SFMBT1: variants seen among roughly 807,000 people sequenced by gnomAD.
SFMBT1 encodes the protein Scm like with four mbt domains 1, also known as scm-like with four MBT domains protein 1.
A neutral mutation model predicts 108.7 loss-of-function variants in SFMBT1; 32 were observed. The ratio of observed to expected loss-of-function variants is 0.29; its 90% CI spans 0.22 to 0.40. The LOEUF is 0.40. Ranked by LOEUF, SFMBT1 falls within the 10% of genes least tolerant of loss-of-function variation. SFMBT1 has a pLI of 1.00. For synonymous variants in SFMBT1, 348 were observed against 369.5 expected (o/e 0.94, Z 0.67); for missense variants, 816 against 1,059.6 (o/e 0.77, Z 3.19).
chr3:53,022,343 G>A (rs568808621), intron 1 of SFMBT1, among the ~76,000 whole-genome samples: 56 of 151,610 alleles, frequency 3.7e-4, no homozygotes, highest in African/African-American at 1.3e-3. Flanking sequence ...CCAGCTACTC[G>A]GGAGGCTGAG....
Position 52,913,528 on chromosome 3 carries a change from C to T in SFMBT1, c.1570G>A (p.Glu524Lys). ...GPYLNKGRIAELPQCVGPGNC... is the reference protein window; with the variant it reads ...GPYLNKGRIAKLPQCVGPGNC... ...CCAGGTCCTACACATTGAGGCAGCT[C>T]AGCAATTCTTCCTTTGTTAAGATAT... Residue 524 changes from glutamate (E) to lysine (K), a missense_variant, in exon 15 of 21, where the codon GAG (glutamate) becomes AAG (lysine). This residue lies in a region of SFMBT1 where 16 missense variants were observed against 57.5 expected (regional missense o/e 0.28). Transcript: ENST00000394752. 1 of 1,614,132 alleles carries T rather than the reference C, an allele frequency of 6.2e-7. No homozygotes were observed.
intron 1 of SFMBT1, among the ~76,000 whole-genome samples, chr3:53,025,489 C>T (rs549373417): frequency 4.0e-4 from 61 of 152,132 alleles, no homozygotes; most frequent in Admixed American, 3.7e-3. Context: ...TGGTGGCACA[C>T]GCTTATGGTC....
rs1171220515 is a variant in SFMBT1, at chr3:52,920,516, A to T, written c.1372+21T>A. ...AAGATTATTTAACAATCAATCCTCT[A>T]ACCCAGAAATAGACAGATACCTCGT... On this transcript the variant is annotated intron_variant, in intron 12 of 20. Coordinates refer to ENST00000394752, the MANE Select transcript of SFMBT1 (RefSeq NM_016329.4). The T allele has an allele frequency of 1.9e-6, 3 of 1,549,434 alleles. No individual in the cohort carries two copies. The African/African-American group carries it at 5.1e-5, about 26-fold the overall frequency.
intron 8 of SFMBT1, among the ~76,000 whole-genome samples, chr3:52,928,896 G>C (rs936008761): frequency 1.3e-5 from 2 of 150,796 alleles, no homozygotes; most frequent in Non-Finnish European, 3.0e-5. Flanking sequence ...GTAGAGACTC[G>C]GTCTCCATAT....
In SFMBT1 at chr3:52,904,914, T is replaced by C; in HGVS notation, c.*222A>G. ...CCTTTATTTTTTAAAAACTGCCATC[T>C]GCTGAACAAGAGATGTCCACATTTC... On this transcript the variant is annotated 3_prime_UTR_variant, in exon 21 of 21. Transcript: ENST00000394752. The C allele has an allele frequency of 2.2e-6, 1 of 463,550 alleles. No individual in the cohort carries two copies. Among genetic ancestry groups the C allele is most frequent in the South Asian group, 4.9e-5 (1 of 20,456 alleles). 28.7% of individuals were successfully genotyped at this position (463,550 alleles called of 1,614,324 possible).
chr3:53,030,835 T>C lies in SFMBT1; in HGVS notation c.-131+14981A>G, dbSNP rs541448810. On this transcript the variant is annotated intron_variant, in intron 1 of 20. Coordinates refer to ENST00000394752, the MANE Select transcript of SFMBT1 (RefSeq NM_016329.4). Reference sequence around the variant, plus strand: ...ATGCTAATATGAAATGCTAATCATATTTTTTATGAGTCAACAGTTTTACAT... The same window carrying C: ...ATGCTAATATGAAATGCTAATCATACTTTTTATGAGTCAACAGTTTTACAT... 2.6e-5 allele frequency among the ~76,000 whole-genome samples: 4 copies of C among 152,290 alleles called. No homozygotes were observed. In the East Asian group the frequency reaches 7.7e-4, roughly 29 times the overall value.
In SFMBT1 at chr3:53,000,334, A is replaced by G. The variant is rs777612687; in HGVS notation, c.-130-31076T>C. ...ACAGTATTTTGTTTATGTTTCAACA[A>G]CAACAAAGAGGACTTAATGTCTGGC... On this transcript the variant is annotated intron_variant, in intron 1 of 20. Coordinates refer to ENST00000394752, the MANE Select transcript of SFMBT1 (RefSeq NM_016329.4). Among the ~76,000 whole-genome samples, 31 of 149,428 alleles carry G rather than the reference A, an allele frequency of 2.1e-4. 3 individuals carry two copies. The highest frequency in any genetic ancestry group is 3.4e-4 in the Non-Finnish European group (23 of 66,806).
intron 1 of SFMBT1, among the ~76,000 whole-genome samples, chr3:52,996,061 A>G (rs1228494869): frequency 7.5e-6 from 1 of 133,176 alleles, no homozygotes. Flanking sequence ...ACAGGGTGAG[A>G]CTCCATCTCA....
chr3:53,038,099 T>C (rs1699922758), intron 1 of SFMBT1, among the ~76,000 whole-genome samples: 1 of 150,982 alleles, frequency 6.6e-6, no homozygotes, highest in African/African-American at 2.5e-5. Context: ...AGCAAAACTT[T>C]GTCTCAAAAA....
intron 1 of SFMBT1, among the ~76,000 whole-genome samples, chr3:52,979,896 G>A (rs1181815436): frequency 2.6e-5 from 4 of 151,456 alleles, no homozygotes; most frequent in African/African-American, 9.7e-5. Context: ...AAATACAACT[G>A]AGCCTTGAAC....
chr3:52,985,349 T>C (rs1310607529), intron 1 of SFMBT1, among the ~76,000 whole-genome samples: 2 of 152,228 alleles, frequency 1.3e-5, no homozygotes, highest in Non-Finnish European at 1.5e-5. Context: ...ACAGAACAAA[T>C]GCTTGTTAAC....
chr3:52,913,667 C>A, intron 14 of SFMBT1, 50 bp from the exon 15 acceptor site: 7 of 1,591,342 alleles, frequency 4.4e-6, no homozygotes, highest in Non-Finnish European at 6.0e-6. Context: ...CTCTACCCCA[C>A]GTTTCCAAAG....
intron 10 of SFMBT1, among the ~76,000 whole-genome samples, chr3:52,922,697 C>A (rs1426443133): frequency 6.6e-6 from 1 of 152,152 alleles, no homozygotes; most frequent in Admixed American, 6.5e-5. Context: ...TTAGGTTATG[C>A]CATTGGCTCC....
At chr3:52,927,162 A>G (rs1053771854) in intron 9 of SFMBT1, among the ~76,000 whole-genome samples, 1 of 152,136 alleles carries the variant, frequency 6.6e-6, no homozygotes, top group Non-Finnish European at 1.5e-5. Flanking sequence ...GCTGTTCTAC[A>G]CCACACCCTC....
chr3:52,988,681 G>A (rs1705014865), intron 1 of SFMBT1, among the ~76,000 whole-genome samples: 1 of 152,136 alleles, frequency 6.6e-6, no homozygotes, highest in African/African-American at 2.4e-5. Flanking sequence ...TAAATCTCTG[G>A]TTACTACTAG....
intron 3 of SFMBT1, 31 bp downstream of exon 3, chr3:52,954,286 C>T (rs1703703762): frequency 6.8e-7 from 1 of 1,468,422 alleles, no homozygotes; most frequent in Non-Finnish European, 9.5e-7. Context: ...AGGGATATAA[C>T]ACCAGTAAGG....
At chr3:52,973,439 A>AT (rs1704415669) in intron 1 of SFMBT1, among the ~76,000 whole-genome samples, 1 of 152,192 alleles carries the variant, frequency 6.6e-6, no homozygotes, top group Non-Finnish European at 1.5e-5. Flanking sequence ...ATTGGATAAA[A>AT]TAAGCTTTCA....
chr3:53,035,666 A>C (rs1699846845), intron 1 of SFMBT1, among the ~76,000 whole-genome samples: 1 of 152,110 alleles, frequency 6.6e-6, no homozygotes, highest in African/African-American at 2.4e-5. Context: ...GTGCCATCTC[A>C]TCTCACTGAA....
chr3:53,021,034 G>A (rs1396874493), intron 1 of SFMBT1, among the ~76,000 whole-genome samples: 1 of 152,140 alleles, frequency 6.6e-6, no homozygotes, highest in African/African-American at 2.4e-5. Context: ...CTCCAGCCTG[G>A]GCAACAAGAG....
Sources: gnomAD v4.1 joint callset for allele counts (sites outside exome capture counted in the v4.1 genomes callset) on GRCh38, gnomAD v4.1.1 for gene constraint, gnomAD v4.1.1 regional missense constraint, MANE v1.5 for transcripts, NCBI Gene and HGNC (gene_info 2026-07-23, HGNC 2026-07-21) for gene names.